COL5A2: variants seen among roughly 807,000 people sequenced by gnomAD.
COL5A2 encodes the protein collagen type V alpha 2 chain, also known as collagen alpha-2(V) chain.
Under a neutral mutation model 208.2 loss-of-function variants are expected in COL5A2, and 23 were observed. That is an observed-to-expected ratio of 0.11 (90% CI 0.08 to 0.16). The LOEUF (loss-of-function observed/expected upper bound fraction) is 0.16, where lower values mean the gene tolerates loss of function less well. Ranked by LOEUF, COL5A2 falls within the 10% of genes least tolerant of loss-of-function variation. The pLI, the probability that COL5A2 is intolerant of heterozygous loss-of-function variation, is 1.00. For missense variants in COL5A2, 1,590 were observed against 1,956.4 expected, an observed-to-expected ratio of 0.81 and a Z score of 3.53; for synonymous variants, 625 against 628.5, an observed-to-expected ratio of 0.99 and a Z score of 0.08.
intron 34 of COL5A2, 135 bp from the exon 35 acceptor site, chr2:189,057,161 C>A (rs916028040): frequency 9.1e-7 from 1 of 1,094,900 alleles, no homozygotes; most frequent in Non-Finnish European, 1.4e-6. Flanking sequence ...GTGCCTCACA[C>A]TGTGCATTTT....
At chr2:189,065,482 T>G (rs935205983) in intron 23 of COL5A2, among the ~76,000 whole-genome samples, 2 of 151,578 alleles carry the variant, frequency 1.3e-5, no homozygotes, top group African/African-American at 4.9e-5. Flanking sequence ...TGAGCCAAGA[T>G]GGTGCCACTG....
chr2:189,260,273 C>G, the COL5A2 span, among the ~76,000 whole-genome samples: 1 of 152,106 alleles, frequency 6.6e-6, no homozygotes, highest in Non-Finnish European at 1.5e-5. Context: ...CAATTCAAAA[C>G]CTTTAGCAAA....
chr2:189,107,003 T>A (rs1050263925), intron 2 of COL5A2, among the ~76,000 whole-genome samples: 4 of 151,508 alleles, frequency 2.6e-5, no homozygotes, highest in African/African-American at 4.8e-5. Context: ...GTAAAAAAAA[T>A]TTATGAGATC....
At chr2:189,419,462 T>A in the COL5A2 span, among the ~76,000 whole-genome samples, 21,561 of 152,034 alleles carry the variant, frequency 0.14, 1,957 homozygotes, top group South Asian at 0.21. Context: ...TGGAAATTGG[T>A]CTTGGTTTTA....
At chr2:189,126,165 C>CA (rs1197779691) in intron 1 of COL5A2, among the ~76,000 whole-genome samples, 14 of 152,054 alleles carry the variant, frequency 9.2e-5, no homozygotes, top group Non-Finnish European at 1.5e-4. Flanking sequence ...ACTTAACAAT[C>CA]ATTCAGCTTG....
chr2:189,284,715 A>G, the COL5A2 span, among the ~76,000 whole-genome samples: 41,312 of 152,098 alleles, frequency 0.27, 5,761 homozygotes, highest in African/African-American at 0.31. Context: ...CTTAACAACA[A>G]GGATATTTTC....
At position 189,137,468 on chromosome 2, in the gene COL5A2, G is replaced by C. The variant is rs180688345; in HGVS notation, c.98-27019C>G. ...TAGAGAAATCCAAATTTGGTGAGCT[G>C]GGTTGATTTTGTACTGAAATTTTAA... On this transcript the variant is annotated intron_variant, in intron 1 of 53. Coordinates refer to ENST00000374866, the MANE Select transcript of COL5A2 (RefSeq NM_000393.5). Among the ~76,000 whole-genome samples, 414 of 152,264 alleles carry C rather than the reference G, an allele frequency of 2.7e-3. 2 individuals are homozygous for C. Among genetic ancestry groups the C allele is most frequent in the African/African-American group, 9.3e-3 (386 of 41,544 alleles).
chr2:189,325,401 C>T, the COL5A2 span, among the ~76,000 whole-genome samples: 1 of 151,528 alleles, frequency 6.6e-6, no homozygotes, highest in Non-Finnish European at 1.5e-5. Context: ...CTCCATGTTC[C>T]TTCTCCTCTG....
the COL5A2 span, among the ~76,000 whole-genome samples, chr2:189,329,953 TTAA>T: frequency 6.6e-6 from 1 of 152,030 alleles, no homozygotes; most frequent in Non-Finnish European, 1.5e-5. Context: ...GAAAAAAATC[TTAA>T]TGATACCTGG....
At chr2:189,384,428 T>C in the COL5A2 span, among the ~76,000 whole-genome samples, 1 of 152,122 alleles carries the variant, frequency 6.6e-6, no homozygotes, top group African/African-American at 2.4e-5. Flanking sequence ...TCATCTTCCG[T>C]CTTTTTGATA....
At chr2:189,064,110 T>C (rs929129359) in intron 25 of COL5A2, 77 bp from the exon 26 acceptor site, 4 of 1,101,696 alleles carry the variant, frequency 3.6e-6, no homozygotes, top group East Asian at 2.5e-5. Context: ...AAAAATAGTG[T>C]TGCATTTTTG....
chr2:189,035,771 T>A (rs971535703), intron 52 of COL5A2, among the ~76,000 whole-genome samples: 2 of 152,092 alleles, frequency 1.3e-5, no homozygotes, highest in African/African-American at 4.8e-5. Flanking sequence ...TATACACCCA[T>A]AATGTTCTCA....
In COL5A2 at chr2:189,035,256, T is replaced by C. The variant is rs150054845; in HGVS notation, c.4114-101A>G. The C allele has an allele frequency of 1.6e-4, 234 of 1,439,128 alleles. 1 individual carries two copies. The African/African-American group carries it at 2.9e-3, about 18-fold the overall frequency. The allele number at this position is 1,439,128 out of a possible 1,614,324, so 89.1% of individuals were successfully genotyped here. A position where few individuals can be genotyped will look rare whatever the true frequency, so the allele number is the denominator to read the frequency against. On this transcript the variant is annotated intron_variant, in intron 52 of 53. Coordinates refer to ENST00000374866, the MANE Select transcript of COL5A2 (RefSeq NM_000393.5). The stretch of plus-strand genomic sequence containing the variant: ...TATAAATTGATTTCAGATAAATCAA[T>C]TTTGAAGAGTATTACTTTAATTCTT...
chr2:189,060,143 C>A (rs72902396), intron 31 of COL5A2, among the ~76,000 whole-genome samples: 103 of 152,140 alleles, frequency 6.8e-4, no homozygotes, highest in Non-Finnish European at 1.2e-3. Flanking sequence ...TTCCTAAAAC[C>A]CCCAAGTCTT....
At chr2:189,275,301 T>A in the COL5A2 span, among the ~76,000 whole-genome samples, 1 of 152,084 alleles carries the variant, frequency 6.6e-6, no homozygotes, top group Non-Finnish European at 1.5e-5. Flanking sequence ...ATGATTCTCA[T>A]AAAAGGAAAA....
chr2:189,379,919 C>CT, the COL5A2 span, among the ~76,000 whole-genome samples: 2 of 152,112 alleles, frequency 1.3e-5, no homozygotes, highest in Non-Finnish European at 2.9e-5. Flanking sequence ...TGAATGGACT[C>CT]TCCCATCTAC....
At chr2:189,290,312 C>T in the COL5A2 span, among the ~76,000 whole-genome samples, 2 of 152,136 alleles carry the variant, frequency 1.3e-5, no homozygotes, top group African/African-American at 4.8e-5. Flanking sequence ...AAAATGTCTC[C>T]ATCCTTAAGC....
chr2:189,352,439 T>A, the COL5A2 span, among the ~76,000 whole-genome samples: 1 of 152,210 alleles, frequency 6.6e-6, no homozygotes, highest in Non-Finnish European at 1.5e-5. Flanking sequence ...TCATACCAAT[T>A]TCTCCACATC....
At chr2:189,331,488 T>C in the COL5A2 span, among the ~76,000 whole-genome samples, 1 of 152,182 alleles carries the variant, frequency 6.6e-6, no homozygotes, top group Non-Finnish European at 1.5e-5. Flanking sequence ...GGCAGATATT[T>C]CCCTTGCTGT....
Sources: gnomAD v4.1 joint callset for allele counts (sites outside exome capture counted in the v4.1 genomes callset) on GRCh38, gnomAD v4.1.1 for gene constraint, MANE v1.5 for transcripts, NCBI Gene and HGNC (gene_info 2026-07-23, HGNC 2026-07-21) for gene names.